KCNIP4: variants seen among roughly 807,000 people sequenced by gnomAD.
The protein encoded by KCNIP4 is potassium voltage-gated channel interacting protein 4.
Under a neutral mutation model 34.0 loss-of-function variants are expected in KCNIP4, and 12 were observed. That is an observed-to-expected ratio of 0.35 (90% CI 0.23 to 0.57). KCNIP4 has a LOEUF of 0.57. Ranked by LOEUF, KCNIP4 falls within the 20% of genes least tolerant of loss-of-function variation. The probability of loss-of-function intolerance (pLI) is 0.83; values close to 1 mark genes in which losing one functional copy is unlikely to be tolerated. For missense variants in KCNIP4, 238 were observed against 311.7 expected (o/e 0.76, Z 1.78); for synonymous variants, 124 against 102.2 (o/e 1.21, Z -1.29).
chr4:21,833,331 C>T lies in KCNIP4; in HGVS notation c.61+115240G>A, dbSNP rs1474315332. ...CATTGTGGTTTTGATTTGCATTTTT[C>T]TGATGGCAAGTGATGGTGAGCATTT... On this transcript the variant is annotated intron_variant, in intron 1 of 8. Transcript: ENST00000382152. 3.9e-5 allele frequency among the ~76,000 whole-genome samples: 6 copies of T among 152,272 alleles called. No homozygotes were observed. In the South Asian group the frequency reaches 1.0e-3, roughly 26 times the overall value.
chr4:20,755,804 G>C (rs1342722474), intron 4 of KCNIP4, among the ~76,000 whole-genome samples: 2 of 152,234 alleles, frequency 1.3e-5, no homozygotes, highest in East Asian at 3.9e-4. Context: ...TCAGGCAGAG[G>C]GAACAGCAGG....
At chr4:21,791,905 G>A (rs1720305504) in intron 1 of KCNIP4, among the ~76,000 whole-genome samples, 1 of 149,828 alleles carries the variant, frequency 6.7e-6, no homozygotes, top group Non-Finnish European at 1.5e-5. Flanking sequence ...GGGAGGCTGA[G>A]GCAGGAGAAT....
intron 1 of KCNIP4, among the ~76,000 whole-genome samples, chr4:21,370,549 G>GAAA (rs199953604): frequency 7.1e-6 from 1 of 141,034 alleles, no homozygotes; most frequent in Non-Finnish European, 1.5e-5. Context: ...GTGCTATTGA[G>GAAA]AAAAAAAAAG....
At chr4:21,105,517 G>A (rs1748435737) in intron 1 of KCNIP4, among the ~76,000 whole-genome samples, 1 of 151,596 alleles carries the variant, frequency 6.6e-6, no homozygotes, top group African/African-American at 2.4e-5. Context: ...GGGTTTTCTA[G>A]ATATACAATC....
intron 1 of KCNIP4, among the ~76,000 whole-genome samples, chr4:21,877,957 GAGAT>G (rs1726231817): frequency 1.3e-5 from 2 of 152,206 alleles, no homozygotes; most frequent in South Asian, 4.1e-4. Context: ...TGAGCACAGA[GAGAT>G]TTCTGAGAAC....
intron 1 of KCNIP4, among the ~76,000 whole-genome samples, chr4:21,353,405 G>C (rs1261027986): frequency 6.6e-6 from 1 of 152,076 alleles, no homozygotes; most frequent in Non-Finnish European, 1.5e-5. Flanking sequence ...CTTGAAAAAA[G>C]GTTAGATGAA....
chr4:20,894,139 C>G (rs1407377832), intron 1 of KCNIP4, among the ~76,000 whole-genome samples: 2 of 152,170 alleles, frequency 1.3e-5, no homozygotes, highest in Non-Finnish European at 2.9e-5. Flanking sequence ...CCTCGGCCTC[C>G]CAAAGTGCTG....
At position 21,384,117 on chromosome 4, in the gene KCNIP4, A is replaced by G. The variant is rs1028538840; in HGVS notation, c.62-501408T>C. On this transcript the variant is annotated intron_variant, in intron 1 of 8. Transcript: ENST00000382152. ...ACTTTCACCAGGTTTTTGCATGTCT[A>G]TCTCCTTATCTCATCACCTCCTCAG... Among the ~76,000 whole-genome samples the G allele has an allele frequency of 3.3e-5, 5 of 151,936 alleles. No individual in the cohort carries two copies. The East Asian group carries it at 9.7e-4, about 29-fold the overall frequency.
At chr4:21,249,974 G>A (rs1220391458) in intron 1 of KCNIP4, among the ~76,000 whole-genome samples, 1 of 152,024 alleles carries the variant, frequency 6.6e-6, no homozygotes, top group African/African-American at 2.4e-5. Flanking sequence ...TTATTTCTGT[G>A]TATTTTTAAT....
At chr4:21,219,484 A>C (rs1282353705) in intron 1 of KCNIP4, among the ~76,000 whole-genome samples, 2 of 152,230 alleles carry the variant, frequency 1.3e-5, no homozygotes, top group Admixed American at 1.3e-4. Context: ...TGAATGATCC[A>C]GGTTTCATGT....
chr4:21,378,990 T>C (rs1241740280), intron 1 of KCNIP4, among the ~76,000 whole-genome samples: 1 of 152,196 alleles, frequency 6.6e-6, no homozygotes, highest in Admixed American at 6.5e-5. Context: ...CAATCGTTAA[T>C]TCATTATGCA....
At chr4:21,112,514 A>T (rs181188066) in intron 1 of KCNIP4, among the ~76,000 whole-genome samples, 8 of 152,346 alleles carry the variant, frequency 5.3e-5, no homozygotes, top group African/African-American at 1.9e-4. Flanking sequence ...ATGGGCTGCC[A>T]GCCACAATAA....
intron 1 of KCNIP4, among the ~76,000 whole-genome samples, chr4:21,603,186 T>G (rs1410056580): frequency 6.6e-6 from 1 of 152,190 alleles, no homozygotes; most frequent in Non-Finnish European, 1.5e-5. Context: ...ATTTATTTAC[T>G]AACTTTGCAG....
chr4:21,647,147 T>C (rs983676481), intron 1 of KCNIP4, among the ~76,000 whole-genome samples: 1 of 152,064 alleles, frequency 6.6e-6, no homozygotes, highest in Non-Finnish European at 1.5e-5. Context: ...AATCTAATTA[T>C]CTTTGAGTTG....
At chr4:21,805,343 G>A (rs192864283) in intron 1 of KCNIP4, among the ~76,000 whole-genome samples, 22 of 152,180 alleles carry the variant, frequency 1.4e-4, no homozygotes, top group Admixed American at 1.2e-3. Flanking sequence ...GACCTGGTGA[G>A]AGATAGTTGA....
intron 1 of KCNIP4, among the ~76,000 whole-genome samples, chr4:20,930,236 G>T (rs1730317205): frequency 6.6e-6 from 1 of 151,848 alleles, no homozygotes; most frequent in African/African-American, 2.4e-5. Flanking sequence ...TTTCAACAAG[G>T]GTACCAACAG....
rs1425647710 is a variant in KCNIP4 at position 21,234,100 on chromosome 4, CAT to C, written c.62-351393_62-351392del. Among the ~76,000 whole-genome samples the C allele has an allele frequency of 8.7e-4, 90 of 103,694 alleles. 4 individuals are homozygous for C. The highest frequency in any genetic ancestry group is 3.8e-3 in the African/African-American group (79 of 20,562). 68.0% of individuals were successfully genotyped at this position (103,694 alleles called of 152,430 possible). On this transcript the variant is annotated intron_variant, in intron 1 of 8. Coordinates refer to ENST00000382152, the MANE Select transcript of KCNIP4 (RefSeq NM_025221.6). ...AACATATAACGTATATTATATATAA[CAT>C]ATATAACGTATATTATATATAACAT... is the stretch of plus-strand genomic sequence containing the variant.
At chr4:21,032,755 A>G (rs1198299612) in intron 1 of KCNIP4, among the ~76,000 whole-genome samples, 1 of 128,384 alleles carries the variant, frequency 7.8e-6, no homozygotes, top group Non-Finnish European at 1.6e-5. Context: ...CTTGACAACT[A>G]TCTTAGAGTT....
At chr4:21,324,750 T>A (rs1346375897) in intron 1 of KCNIP4, among the ~76,000 whole-genome samples, 1 of 151,886 alleles carries the variant, frequency 6.6e-6, no homozygotes, top group East Asian at 1.9e-4. Context: ...GGGTCTTTTG[T>A]GGTTCCACAT....
Sources: allele counts gnomAD v4.1 joint callset (sites outside exome capture counted in the v4.1 genomes callset), GRCh38; gene constraint gnomAD v4.1.1; transcripts MANE v1.5; gene names NCBI Gene and HGNC (gene_info 2026-07-23, HGNC 2026-07-21).